The following SCART1 variants were observed in gnomAD, a reference collection of about 807,000 sequenced individuals.
The protein encoded by SCART1 is scavenger receptor cysteine-rich domain-containing protein SCART1.
Under a neutral mutation model 36.2 loss-of-function variants are expected in SCART1, and 62 were observed. The observed-to-expected ratio is 1.71, with a 90% CI of 1.40 to 2.12. The LOEUF (loss-of-function observed/expected upper bound fraction) is 2.12, where lower values mean the gene tolerates loss of function less well. SCART1 is among the 30% of genes most tolerant of loss of function. The probability of loss-of-function intolerance (pLI) is 0.00; values close to 1 mark genes in which losing one functional copy is unlikely to be tolerated. For synonymous variants in SCART1, 487 were observed against 238.7 expected (o/e 2.04, Z -9.59); for missense variants, 1,041 against 540.5 (o/e 1.93, Z -9.18).
At chr10:133,455,514 C>T (rs886921956) in intron 1 of SCART1, among the ~76,000 whole-genome samples, 1 of 151,972 alleles carries the variant, frequency 6.6e-6, no homozygotes, top group Admixed American at 6.5e-5. Flanking sequence ...GCCCTGGAGG[C>T]TGCTCTGGGA....
chr10:133,467,770 T>C (rs34527757), intron 11 of SCART1, 77 bp from the exon 12 acceptor site: 28,086 of 589,922 alleles, frequency 0.048, 941 homozygotes, highest in East Asian at 0.15. Context: ...CGTTCCTGTC[T>C]TACGGGCTTT....
chr10:133,457,640 G>T, intron 3 of SCART1, 65 bp downstream of exon 3: 1 of 607,288 alleles, frequency 1.6e-6, no homozygotes, highest in South Asian at 1.9e-5. Context: ...CCTGGGGAGG[G>T]CAGGGAGAAG....
At chr10:133,466,212 G>A in intron 9 of SCART1, 23 bp from the exon 10 acceptor site, 2 of 699,274 alleles carry the variant, frequency 2.9e-6, no homozygotes, top group East Asian at 5.4e-5. Flanking sequence ...CACCCAGCTG[G>A]CTCAAGACCT....
exon 6 of SCART1, chr10:133,459,810 G>A: frequency 1.6e-6 from 1 of 624,890 alleles, no homozygotes. Context: ...CTCCGGTGAG[G>A]TCGGAACCGC....
chr10:133,464,534 GC>G, intron 6 of SCART1, 71 bp from the exon 7 acceptor site: 1 of 607,444 alleles, frequency 1.6e-6, no homozygotes, highest in Non-Finnish European at 2.9e-6. Flanking sequence ...CTTGAGCTTA[GC>G]CCCCTCCTTC....
chr10:133,464,899 C>A (rs1447354149), exon 7 of SCART1: 1 of 702,788 alleles, frequency 1.4e-6, no homozygotes, highest in African/African-American at 1.7e-5. Context: ...ACTCTTGCGA[C>A]CTTCGAGAGC....
chr10:133,466,265 C>T lies in SCART1; in HGVS notation c.2690C>T (p.Ala897Val). Residue 897 changes from alanine to valine, a missense_variant, in exon 10 of 12, where the codon GCT becomes GTT. Coordinates refer to ENST00000640237, the Ensembl canonical transcript of SCART1. ...GGCCCAGGCCCCCCACTGCCTGCAG[C>T]TCCCTTCCGGACATTCTGGGTGGTC... The T allele has an allele frequency of 5.7e-6, 4 of 702,978 alleles. No homozygotes were observed. In the South Asian group the frequency reaches 5.9e-5, roughly 10 times the overall value. 43.5% of individuals were successfully genotyped at this position (702,978 alleles called of 1,614,324 possible). A position where few individuals can be genotyped will look rare whatever the true frequency, so the allele number is the denominator to read the frequency against.
chr10:133,455,284 A>G (rs1850595037), intron 1 of SCART1, among the ~76,000 whole-genome samples: 2 of 152,132 alleles, frequency 1.3e-5, no homozygotes, highest in South Asian at 2.1e-4. Context: ...AAAAAATTGC[A>G]GACACCAGCA....
At chr10:133,457,085 G>A in intron 2 of SCART1, 194 bp from the exon 3 acceptor site, 1 of 584,130 alleles carries the variant, frequency 1.7e-6, no homozygotes, top group East Asian at 2.9e-5. Flanking sequence ...CTTGTTTCAG[G>A]AGACCAGCAG....
exon 6 of SCART1, chr10:133,459,759 C>A (rs947354537): frequency 1.4e-6 from 1 of 691,960 alleles, no homozygotes; most frequent in Non-Finnish European, 2.6e-6. Flanking sequence ...CGCGACCCTG[C>A]AGGAGCCCGC....
exon 8 of SCART1, chr10:133,465,152 C>G (rs1256550606): frequency 1.4e-6 from 1 of 702,950 alleles, no homozygotes; most frequent in East Asian, 2.7e-5. Flanking sequence ...CCCTCAACTG[C>G]TCCTCCTGGC....
At chr10:133,460,496 A>ATATATATATATATATATATTTTTTTTT in intron 6 of SCART1, among the ~76,000 whole-genome samples, 1 of 136,004 alleles carries the variant, frequency 7.4e-6, no homozygotes, top group Non-Finnish European at 1.6e-5. Flanking sequence ...ATATTTATAT[A>ATATATATATATATATATATTTTTTTTT]TTTTAAAAAA....
Position 133,454,013 on chromosome 10 carries a change from TGGACCCTGGGACTC to T in SCART1, c.19_32del (p.Thr7AlafsTer243). 1.4e-6 allele frequency: 1 copy of T among 703,014 alleles called. No individual in the cohort carries two copies. Among genetic ancestry groups the T allele is most frequent in the African/African-American group, 1.7e-5 (1 of 57,370 alleles). The allele number at this position is 703,014 out of a possible 1,614,324, so 43.5% of individuals were successfully genotyped here. On this transcript the variant is annotated frameshift_variant, in exon 1 of 12. Coordinates refer to ENST00000640237, the Ensembl canonical transcript of SCART1. LOFTEE classifies it high-confidence loss of function. ...CTGTGGGACCATGAGGGCAGCTCTC[TGGACCCTGGGACTC>T]GGGCCCCTTCTTCTGAATCTCTGGG...
exon 4 of SCART1, chr10:133,458,530 C>G (rs576078356): frequency 1.5e-6 from 1 of 674,404 alleles, no homozygotes. Flanking sequence ...CCGCTTCGGC[C>G]GGGGCTCGGG....
rs79623153 is a variant in SCART1, at chr10:133,454,128, C to T, written c.67+64C>T. 2.6e-3 allele frequency: 1,855 copies of T among 701,528 alleles called. 46 individuals carry two copies. In the East Asian group the frequency reaches 0.046, roughly 17 times the overall value. 43.5% of individuals were successfully genotyped at this position (701,528 alleles called of 1,614,324 possible). On this transcript the variant is annotated intron_variant, in intron 1 of 11. Coordinates refer to ENST00000640237, the Ensembl canonical transcript of SCART1. Reference sequence around the variant, plus strand: ...GGCATCAGCTCTGTTGATGCCCAGGCCCCGGGGCATGAGGGTCCCTGCAGT... The same window carrying T: ...GGCATCAGCTCTGTTGATGCCCAGGTCCCGGGGCATGAGGGTCCCTGCAGT...
intron 3 of SCART1, chr10:133,458,008 G>A (rs187442412): frequency 2.6e-4 from 143 of 544,476 alleles, no homozygotes; most frequent in African/African-American, 1.7e-3. Context: ...TGCCTGCTGC[G>A]GTACCCCAGA....
exon 7 of SCART1, chr10:133,464,615 C>A (rs899837774): frequency 3.1e-6 from 2 of 653,796 alleles, no homozygotes; most frequent in Non-Finnish European, 2.8e-6. Context: ...GAGTCGGTGG[C>A]TCTGAGGCTG....
chr10:133,469,619 G>C (rs1850796478), downstream of SCART1, among the ~76,000 whole-genome samples: 1 of 152,146 alleles, frequency 6.6e-6, no homozygotes, highest in South Asian at 2.1e-4. Context: ...GGAAGGGATA[G>C]CATGAGGAGA....
At chr10:133,457,537 G>A in exon 3 of SCART1, 1 of 702,134 alleles carries the variant, frequency 1.4e-6, no homozygotes, top group Admixed American at 2.0e-5. Flanking sequence ...TTCCGCAGCG[G>A]CTGCGACCTG....
Sources: gnomAD v4.1 joint callset for allele counts (sites outside exome capture counted in the v4.1 genomes callset) on GRCh38, gnomAD v4.1.1 for gene constraint, MANE v1.5 for transcripts, NCBI Gene and HGNC (gene_info 2026-07-23, HGNC 2026-07-21) for gene names.